JAG1: variants seen among roughly 807,000 people sequenced by gnomAD.
JAG1 encodes the protein jagged canonical Notch ligand 1, also known as protein jagged-1.
A neutral mutation model predicts 148.7 loss-of-function variants in JAG1; 23 were observed. The observed-to-expected ratio is 0.15, with a 90% CI of 0.11 to 0.22. The LOEUF (loss-of-function observed/expected upper bound fraction) is 0.22. Among genes scored for constraint, JAG1 ranks in the 10% least tolerant of loss-of-function variants. The pLI is 1.00. For missense variants in JAG1, 1,054 were observed against 1,611.2 expected, an observed-to-expected ratio of 0.65 and a Z score of 5.92; for synonymous variants, 572 against 598.3, an observed-to-expected ratio of 0.96 and a Z score of 0.64.
At chr20:10,649,217 T>C (rs566333260) in intron 10 of JAG1, 110 bp from the exon 11 acceptor site, 8 of 801,140 alleles carry the variant, frequency 1.0e-5, no homozygotes, top group South Asian at 4.5e-5. Flanking sequence ...AGATTTCCTG[T>C]GTGCTTTCCG....
chr20:10,673,074 A>G lies in JAG1; in HGVS notation c.82-68T>C. On this transcript the variant is annotated intron_variant, in intron 1 of 25. Transcript: ENST00000254958. The surrounding 1 kb of genome is among the most constrained non-coding windows in gnomAD (Gnocchi z 4.7). ...GTTTTCTTCGAGTATAGAGGTGGCG[A>G]CTCCCTCCCACTCCCCGCCCCGACG... 1 of 1,389,732 alleles carries G rather than the reference A, an allele frequency of 7.2e-7. No homozygotes were observed. Among genetic ancestry groups the G allele is most frequent in the Non-Finnish European group, 1.0e-6 (1 of 1,001,106 alleles). 86.1% of individuals were successfully genotyped at this position (1,389,732 alleles called of 1,614,324 possible).
intron 6 of JAG1, 60 bp downstream of exon 6, chr20:10,652,408 C>A: frequency 1.2e-6 from 2 of 1,609,142 alleles, no homozygotes; most frequent in Non-Finnish European, 1.7e-6. Context: ...AAATTAGAAA[C>A]CAAATTAGTG....
chr20:10,644,726 C>G (rs1318668428), intron 18 of JAG1, 137 bp downstream of exon 18: 1 of 772,622 alleles, frequency 1.3e-6, no homozygotes, highest in Non-Finnish European at 2.4e-6. Context: ...TGTATCCCAT[C>G]AAGTCATTAA....
Position 10,645,892 on chromosome 20 carries a change from A to C in JAG1, c.1999+79T>G. On this transcript the variant is annotated intron_variant, in intron 15 of 25. Transcript: ENST00000254958. This position sits in a 1 kb window ranked among gnomAD's most constrained non-coding sequence, Gnocchi z 6.1. ...GCTTCCAGAGATTTCCAGTACAAAG[A>C]AAGTTTTCCCACGTTGAAGTGGGAT... 2 of 984,196 alleles carry C rather than the reference A, an allele frequency of 2.0e-6. No homozygotes were observed. The highest frequency in any genetic ancestry group is 3.3e-6 in the Non-Finnish European group (2 of 606,254). 61.0% of individuals were successfully genotyped at this position (984,196 alleles called of 1,614,324 possible). A position where few individuals can be genotyped will look rare whatever the true frequency, so the allele number is the denominator to read the frequency against.
At chr20:10,656,681 G>A (rs1349235322) in intron 4 of JAG1, among the ~76,000 whole-genome samples, 1 of 152,088 alleles carries the variant, frequency 6.6e-6, no homozygotes, top group African/African-American at 2.4e-5. Flanking sequence ...TATTGTTTGG[G>A]GACAAAATGC....
At chr20:10,644,790 C>A (rs2067296139) in intron 18 of JAG1, 73 bp downstream of exon 18, 1 of 1,055,544 alleles carries the variant, frequency 9.5e-7, no homozygotes, top group Non-Finnish European at 1.5e-6. Flanking sequence ...TTCTGGTTTC[C>A]ATTGCAAGTC....
chr20:10,644,606 G>C (rs909316958), intron 18 of JAG1: 1 of 646,356 alleles, frequency 1.5e-6, no homozygotes, highest in Admixed American at 2.3e-5. Context: ...GATAGGGGTG[G>C]GGGTGAGAAT....
At chr20:10,656,608 G>C (rs1487543153) in intron 4 of JAG1, 150 bp from the exon 5 acceptor site, 10 of 677,828 alleles carry the variant, frequency 1.5e-5, no homozygotes, top group Non-Finnish European at 2.6e-5. Flanking sequence ...AAGATGGGAG[G>C]GGCCCAAATA....
rs142613181 is a variant in JAG1, at chr20:10,664,610, T to G, written c.388-596A>C. Among the ~76,000 whole-genome samples, 404 of 152,218 alleles carry G rather than the reference T, an allele frequency of 2.7e-3. 3 individuals carry two copies. The highest frequency in any genetic ancestry group is 9.3e-3 in the African/African-American group (387 of 41,540). On this transcript the variant is annotated intron_variant, in intron 2 of 25. Coordinates refer to ENST00000254958, the MANE Select transcript of JAG1 (RefSeq NM_000214.3). Reference sequence around the variant, plus strand: ...ACTCTAGGAAACAGGAGGGGGTAGATGCAAAGTGACTCTGCAAGACAAAGA... The same window carrying G: ...ACTCTAGGAAACAGGAGGGGGTAGAGGCAAAGTGACTCTGCAAGACAAAGA...
chr20:10,639,702 T>G lies in JAG1; in HGVS notation c.3453A>C (p.Thr1151=), dbSNP rs2067256715. 3 of 1,614,108 alleles carry G rather than the reference T, an allele frequency of 1.9e-6. 1 individual carries two copies. The Admixed American group carries it at 5.0e-5, about 27-fold the overall frequency. ...NKNSKMSKIR[T]HNSEVEEDDM... ...CGTCCTCTTCTACTTCAGAATTGTG[T>G]GTCCTTATTTTAGACATTTTGGAGT... is the stretch of plus-strand genomic sequence containing the variant. The change falls in exon 26 of 26, where the codon ACA becomes ACC. Residue 1151 remains threonine, a synonymous_variant. Transcript: ENST00000254958.
chr20:10,662,506 T>C (rs1166126406), intron 3 of JAG1: 1 of 152,220 alleles, frequency 6.6e-6, no homozygotes, highest in Non-Finnish European at 1.5e-5. Context: ...ATTGTTTCAA[T>C]AGCTAAAAGG....
intron 2 of JAG1, among the ~76,000 whole-genome samples, chr20:10,667,855 G>A (rs1371664736): frequency 2.6e-5 from 4 of 152,218 alleles, no homozygotes; most frequent in African/African-American, 7.2e-5. Flanking sequence ...AAAGGGTGGC[G>A]AGGTTAATAG....
At position 10,671,298 on chromosome 20, in the gene JAG1, A is replaced by T. The variant is rs566695214; in HGVS notation, c.387+1403T>A. 2.4e-4 allele frequency among the ~76,000 whole-genome samples: 36 copies of T among 152,322 alleles called. No individual in the cohort carries two copies. The South Asian group carries it at 7.2e-3, about 31-fold the overall frequency. Reference sequence around the variant, plus strand: ...AGATAAATACTCTTGGTAAAAATGAAATCCCACAACAGAAACAGCCCTTGG... The same window carrying T: ...AGATAAATACTCTTGGTAAAAATGATATCCCACAACAGAAACAGCCCTTGG... On this transcript the variant is annotated intron_variant, in intron 2 of 25. Coordinates refer to ENST00000254958, the MANE Select transcript of JAG1 (RefSeq NM_000214.3).
Position 10,673,547 on chromosome 20 carries a change from G to C in JAG1, c.-17C>G. The C allele has an allele frequency of 1.6e-6, 2 of 1,231,264 alleles. No individual in the cohort carries two copies. The highest frequency in any genetic ancestry group is 4.3e-5 in the Admixed American group (1 of 23,212). 76.3% of individuals were successfully genotyped at this position (1,231,264 alleles called of 1,614,324 possible). On this transcript the variant is annotated 5_prime_UTR_variant, in exon 1 of 26. Coordinates refer to ENST00000254958, the MANE Select transcript of JAG1 (RefSeq NM_000214.3). The surrounding 1 kb of genome is among the most constrained non-coding windows in gnomAD (Gnocchi z 4.7). The stretch of plus-strand genomic sequence containing the variant: ...GGAACGCATCGCTGCGCCGCGCGCC[G>C]CGGGCACTCGGGACGCCGCCGCTGC...
At chr20:10,640,368 T>C (rs1424993246) in intron 25 of JAG1, among the ~76,000 whole-genome samples, 1 of 150,702 alleles carries the variant, frequency 6.6e-6, no homozygotes, top group Non-Finnish European at 1.5e-5. Context: ...GCTGAAACGG[T>C]GCTCGAGATC....
rs2067313363 is a variant in JAG1, at chr20:10,646,943, A to G, written c.1881T>C (p.His627=). Residue 627 remains histidine (H), a synonymous_variant, in exon 14 of 26, where the codon CAT becomes CAC. Transcript: ENST00000254958. ...CNKGFTGTYC[H]ENINDCESNP... Reference sequence around the variant, plus strand: ...TCCCGGATGAGGGAGTCTTACTTTCATGGCAGTATGTTCCCGTGAAGCCTT... The same window carrying G: ...TCCCGGATGAGGGAGTCTTACTTTCGTGGCAGTATGTTCCCGTGAAGCCTT... 5 of 1,614,058 alleles carry G rather than the reference A, an allele frequency of 3.1e-6. No individual in the cohort carries two copies. Among genetic ancestry groups the G allele is most frequent in the Non-Finnish European group, 4.2e-6 (5 of 1,179,990 alleles).
At chr20:10,660,894 C>T (rs1191199947) in intron 3 of JAG1, among the ~76,000 whole-genome samples, 10 of 152,232 alleles carry the variant, frequency 6.6e-5, no homozygotes, top group Admixed American at 1.3e-4. Context: ...AAGCCATGAC[C>T]GCCTCGCAGG....
chr20:10,654,282 A>G (rs1242387130), intron 5 of JAG1, among the ~76,000 whole-genome samples: 1 of 152,210 alleles, frequency 6.6e-6, no homozygotes, highest in African/African-American at 2.4e-5. Flanking sequence ...AGCAACCACA[A>G]GAGGCCATGG....
chr20:10,672,428 C>G (rs1265721819), intron 2 of JAG1, among the ~76,000 whole-genome samples: 1 of 152,160 alleles, frequency 6.6e-6, no homozygotes, highest in Admixed American at 6.5e-5. Context: ...AAGTTTACAC[C>G]GGCCTTCCTA....
Sources: gnomAD v4.1 joint callset for allele counts (sites outside exome capture counted in the v4.1 genomes callset) on GRCh38, gnomAD v4.1.1 for gene constraint, Gnocchi (gnomAD v3.1) non-coding constraint, MANE v1.5 for transcripts, NCBI Gene and HGNC (gene_info 2026-07-23, HGNC 2026-07-21) for gene names.